Variants in POFUT3 observed in about 807,000 individuals in gnomAD.
POFUT3 encodes protein O-fucosyltransferase 3.
chr8:33,446,016 T>A, the POFUT3 span, among the ~76,000 whole-genome samples: 4 of 152,152 alleles, frequency 2.6e-5, no homozygotes, highest in African/African-American at 9.7e-5. Context: ...TGTGCCTTCA[T>A]TCTCCTTCCT....
the POFUT3 span, chr8:33,389,547 T>G: frequency 6.2e-7 from 1 of 1,614,200 alleles, no homozygotes; most frequent in Non-Finnish European, 8.5e-7. Context: ...GGAGCAAGTC[T>G]TTTTCTAAGC....
the POFUT3 span, among the ~76,000 whole-genome samples, chr8:33,460,017 G>A: frequency 1.3e-5 from 2 of 152,210 alleles, no homozygotes; most frequent in Non-Finnish European, 2.9e-5. Flanking sequence ...CCAACATGGT[G>A]AAACCTCATT....
At chr8:33,380,347 G>T in the POFUT3 span, among the ~76,000 whole-genome samples, 3 of 145,840 alleles carry the variant, frequency 2.1e-5, no homozygotes, top group African/African-American at 7.7e-5. Context: ...GAAATACTAG[G>T]TTTCTGCAGC....
the POFUT3 span, among the ~76,000 whole-genome samples, chr8:33,323,514 A>G: frequency 3.9e-5 from 6 of 152,186 alleles, no homozygotes; most frequent in African/African-American, 7.2e-5. Context: ...CTGTGCCTGC[A>G]AAGAAAGGGG....
At chr8:33,436,308 C>A in the POFUT3 span, 4 of 1,334,374 alleles carry the variant, frequency 3.0e-6, no homozygotes, top group Non-Finnish European at 4.3e-6. Flanking sequence ...GTTATCAAGG[C>A]CCTTGATGGT....
the POFUT3 span, among the ~76,000 whole-genome samples, chr8:33,328,834 G>A: frequency 6.6e-6 from 1 of 152,176 alleles, no homozygotes; most frequent in Non-Finnish European, 1.5e-5. Flanking sequence ...GAATGGCAGA[G>A]CAGCACCCAC....
the POFUT3 span, among the ~76,000 whole-genome samples, chr8:33,339,311 TA>T: frequency 1.1e-4 from 16 of 152,316 alleles, no homozygotes; most frequent in African/African-American, 3.8e-4. Context: ...TTGAGTAGGC[TA>T]ACTGTAAGAA....
chr8:33,419,426 C>T, the POFUT3 span, among the ~76,000 whole-genome samples: 6 of 152,190 alleles, frequency 3.9e-5, no homozygotes, highest in African/African-American at 1.4e-4. Flanking sequence ...AGCAAGTAAT[C>T]TAAATCCTTT....
At chr8:33,455,012 CT>C in the POFUT3 span, among the ~76,000 whole-genome samples, 1 of 152,140 alleles carries the variant, frequency 6.6e-6, no homozygotes, top group Non-Finnish European at 1.5e-5. Flanking sequence ...TACCTGACTA[CT>C]ACTAGAGAAT....
the POFUT3 span, among the ~76,000 whole-genome samples, chr8:33,378,922 C>G: frequency 6.6e-6 from 1 of 152,164 alleles, no homozygotes; most frequent in African/African-American, 2.4e-5. Flanking sequence ...TTTGTGTCCC[C>G]ACCCAAATGT....
At chr8:33,457,975 T>C in the POFUT3 span, among the ~76,000 whole-genome samples, 87,014 of 151,836 alleles carry the variant, frequency 0.57, 25,146 homozygotes, top group Non-Finnish European at 0.59. Context: ...CTAAATTGTA[T>C]ACCCCAAAAA....
At chr8:33,356,953 C>G in the POFUT3 span, among the ~76,000 whole-genome samples, 43 of 152,092 alleles carry the variant, frequency 2.8e-4, 1 homozygote, top group South Asian at 7.9e-3. Context: ...GCTTGTTTTT[C>G]TCAGGTTTGT....
the POFUT3 span, among the ~76,000 whole-genome samples, chr8:33,341,914 T>C: frequency 6.6e-6 from 1 of 151,892 alleles, no homozygotes; most frequent in African/African-American, 2.4e-5. Context: ...CAAAAAAGCC[T>C]GGGCATGGTG....
the POFUT3 span, among the ~76,000 whole-genome samples, chr8:33,347,121 C>G: frequency 6.6e-6 from 1 of 152,022 alleles, no homozygotes; most frequent in African/African-American, 2.4e-5. Context: ...TGTCACCATC[C>G]GCACAAAAAC....
the POFUT3 span, among the ~76,000 whole-genome samples, chr8:33,451,106 A>G: frequency 2.6e-5 from 4 of 151,368 alleles, no homozygotes; most frequent in Non-Finnish European, 5.9e-5. Context: ...ATACATGTAC[A>G]TACATACAGA....
At chr8:33,334,580 A>C in the POFUT3 span, among the ~76,000 whole-genome samples, 1 of 152,156 alleles carries the variant, frequency 6.6e-6, no homozygotes, top group South Asian at 2.1e-4. Context: ...TGCATTTCTA[A>C]CATGTTCCCA....
At chr8:33,434,951 G>T in the POFUT3 span, among the ~76,000 whole-genome samples, 78,144 of 151,994 alleles carry the variant, frequency 0.51, 20,498 homozygotes, top group Non-Finnish European at 0.56. Context: ...TGCTGTCACT[G>T]GCTCTAGTTT....
chr8:33,403,987 T>C, the POFUT3 span, among the ~76,000 whole-genome samples: 2 of 151,934 alleles, frequency 1.3e-5, no homozygotes, highest in East Asian at 3.9e-4. Flanking sequence ...CATCTGCAGC[T>C]CAGCACAGCA....
chr8:33,374,876 T>G, the POFUT3 span, among the ~76,000 whole-genome samples: 1 of 142,760 alleles, frequency 7.0e-6, no homozygotes, highest in Non-Finnish European at 1.5e-5. Flanking sequence ...TTCTTTTCTT[T>G]TCTTTTTTTT....
Sources: gnomAD v4.1 joint callset for allele counts (sites outside exome capture counted in the v4.1 genomes callset) on GRCh38, gnomAD v4.1.1 for gene constraint, MANE v1.5 for transcripts, NCBI Gene and HGNC (gene_info 2026-07-23, HGNC 2026-07-21) for gene names.